ASAP2: variants seen among roughly 807,000 people sequenced by gnomAD.
ASAP2 encodes arf-GAP with SH3 domain, ANK repeat and PH domain-containing protein 2.
ASAP2 carries 45 observed loss-of-function variants against 131.4 expected under a neutral mutation model. The observed-to-expected ratio is 0.34, with a 90% CI of 0.27 to 0.44. The LOEUF (loss-of-function observed/expected upper bound fraction) is 0.44. Ranked by LOEUF, ASAP2 falls within the 20% of genes least tolerant of loss-of-function variation. The pLI, the probability that ASAP2 is intolerant of heterozygous loss-of-function variation, is 1.00. For missense variants in ASAP2, 1,011 were observed against 1,297.0 expected, an observed-to-expected ratio of 0.78 and a Z score of 3.39; for synonymous variants, 510 against 503.0, an observed-to-expected ratio of 1.01 and a Z score of -0.19.
At position 9,263,293 on chromosome 2, in the gene ASAP2, CAG is replaced by C. The variant is rs148419154; in HGVS notation, c.127-16023_127-16022del. Among the ~76,000 whole-genome samples the C allele has an allele frequency of 2.6e-3, 403 of 152,306 alleles. 4 individuals carry two copies. The highest frequency in any genetic ancestry group is 9.0e-3 in the African/African-American group (374 of 41,572). On this transcript the variant is annotated intron_variant, in intron 1 of 27. Coordinates refer to ENST00000281419, the MANE Select transcript of ASAP2 (RefSeq NM_003887.3). ...GGCCACAGCTCAGTAATGTGGGTGT[CAG>C]GGAACCCCAGGCCAGGCCCCCTTGT...
chr2:9,297,890 T>C (rs1172728821), intron 3 of ASAP2, among the ~76,000 whole-genome samples: 2 of 151,426 alleles, frequency 1.3e-5, no homozygotes, highest in Non-Finnish European at 3.0e-5. Context: ...AGGCCTTTTG[T>C]GCTCCCAAGT....
Position 9,376,897 on chromosome 2 carries a change from T to C in ASAP2, c.1747-11T>C. Reference sequence around the variant, plus strand: ...ATTAGAATTCTGGAATGCCTTTGTTTGGTTTTTCAGGAGCCGGATGAAACG... The same window carrying C: ...ATTAGAATTCTGGAATGCCTTTGTTCGGTTTTTCAGGAGCCGGATGAAACG... On this transcript the variant is annotated splice_polypyrimidine_tract_variant and intron_variant, in intron 17 of 27. Coordinates refer to ENST00000281419, the MANE Select transcript of ASAP2 (RefSeq NM_003887.3). 1 of 1,613,776 alleles carries C rather than the reference T, an allele frequency of 6.2e-7. No individual in the cohort carries two copies. The highest frequency in any genetic ancestry group is 8.5e-7 in the Non-Finnish European group (1 of 1,179,688).
Position 9,311,755 on chromosome 2 carries a change from C to T in ASAP2, c.346-6769C>T, listed in dbSNP as rs905257335. On this transcript the variant is annotated intron_variant, in intron 3 of 27. Transcript: ENST00000281419. The surrounding 1 kb of genome is among the most constrained non-coding windows in gnomAD (Gnocchi z 5.2). Reference sequence around the variant, plus strand: ...ACACAGAGGAAGCCCAGAGCCTGCCCGCCACTCAGGCTGCAGGGCACACCT... The same window carrying T: ...ACACAGAGGAAGCCCAGAGCCTGCCTGCCACTCAGGCTGCAGGGCACACCT... 4.6e-5 allele frequency among the ~76,000 whole-genome samples: 7 copies of T among 152,188 alleles called. No homozygotes were observed. The highest frequency in any genetic ancestry group is 1.3e-4 in the Admixed American group (2 of 15,264).
chr2:9,280,098 G>A (rs1667034549), intron 2 of ASAP2, among the ~76,000 whole-genome samples: 1 of 152,232 alleles, frequency 6.6e-6, no homozygotes, highest in Non-Finnish European at 1.5e-5. Flanking sequence ...AAACAGGGCT[G>A]ATGGGTTGCT....
In ASAP2 at chr2:9,344,442, A is replaced by G. The variant is rs373425778; in HGVS notation, c.850-90A>G. The G allele has an allele frequency of 1.1e-3, 1,138 of 1,060,812 alleles. 16 individuals are homozygous for G. In the African/African-American group the frequency reaches 0.017, roughly 16 times the overall value. 65.7% of individuals were successfully genotyped at this position (1,060,812 alleles called of 1,614,324 possible). On this transcript the variant is annotated intron_variant, in intron 9 of 27. Transcript: ENST00000281419. ...AATTTTTGTTGTTGTTAAAAAAAAA[A>G]CACATTAGGCATAAGTTTCCTTTGT...
chr2:9,306,366 G>A (rs1349643641), intron 3 of ASAP2, among the ~76,000 whole-genome samples: 3 of 151,796 alleles, frequency 2.0e-5, no homozygotes, highest in Non-Finnish European at 2.9e-5. Context: ...AAGAGCAGCC[G>A]TGTCGGCTTG....
chr2:9,249,598 A>G (rs980429464), intron 1 of ASAP2, among the ~76,000 whole-genome samples: 12 of 152,244 alleles, frequency 7.9e-5, no homozygotes, highest in African/African-American at 2.9e-4. Context: ...CTGACCCATC[A>G]CATAGACTGC....
At chr2:9,276,404 G>A (rs552442689) in intron 1 of ASAP2, among the ~76,000 whole-genome samples, 5 of 152,296 alleles carry the variant, frequency 3.3e-5, no homozygotes, top group African/African-American at 1.2e-4. Context: ...AGGAGCTGAT[G>A]CCAGAGAAGC....
chr2:9,265,711 T>TTGTG (rs140189620), intron 1 of ASAP2, among the ~76,000 whole-genome samples: 1 of 151,328 alleles, frequency 6.6e-6, no homozygotes, highest in Non-Finnish European at 1.5e-5. Context: ...CTTTTACAAT[T>TTGTG]TGTGTGTGTG....
chr2:9,372,474 A>G (rs932390993), intron 16 of ASAP2, among the ~76,000 whole-genome samples: 17 of 152,236 alleles, frequency 1.1e-4, no homozygotes, highest in Admixed American at 3.3e-4. Flanking sequence ...AAAATGATGT[A>G]TAAGAAACCA....
In ASAP2 at chr2:9,258,332, G is replaced by GTTTTTTTTTTTT. The variant is rs769009726; in HGVS notation, c.127-20983_127-20982insTTTTTTTTTTTT. ...TTCACAGTATTGATAGTAATCAGTA[G>GTTTTTTTTTTTT]TTGTTTTTTTTTTTTTTTTTTGAGA... On this transcript the variant is annotated intron_variant, in intron 1 of 27. Transcript: ENST00000281419. 3.6e-5 allele frequency among the ~76,000 whole-genome samples: 4 copies of GTTTTTTTTTTTT among 112,544 alleles called. 1 individual carries two copies. Among genetic ancestry groups the GTTTTTTTTTTTT allele is most frequent in the African/African-American group, 7.5e-5 (2 of 26,616 alleles). 73.8% of individuals were successfully genotyped at this position (112,544 alleles called of 152,430 possible).
chr2:9,262,536 G>C (rs1339268390), intron 1 of ASAP2, among the ~76,000 whole-genome samples: 1 of 152,244 alleles, frequency 6.6e-6, no homozygotes, highest in Non-Finnish European at 1.5e-5. Context: ...CACGCGGCTA[G>C]TAATTGGAGC....
chr2:9,292,045 A>G (rs1189287780), intron 2 of ASAP2, among the ~76,000 whole-genome samples: 1 of 152,088 alleles, frequency 6.6e-6, no homozygotes, highest in Non-Finnish European at 1.5e-5. Context: ...CTCTGCTGCA[A>G]ACTCACTGTG....
chr2:9,212,859 C>T (rs1345532324), intron 1 of ASAP2, among the ~76,000 whole-genome samples: 3 of 152,272 alleles, frequency 2.0e-5, no homozygotes, highest in Admixed American at 6.5e-5. Context: ...AGCATCTCCA[C>T]GTACACCACA....
At chr2:9,338,640 T>G (rs986529139) in intron 9 of ASAP2, among the ~76,000 whole-genome samples, 29 of 152,208 alleles carry the variant, frequency 1.9e-4, no homozygotes, top group African/African-American at 6.8e-4. Context: ...CTACCCTTTC[T>G]TCCACTGTTA....
intron 1 of ASAP2, among the ~76,000 whole-genome samples, chr2:9,270,948 A>G (rs925054234): frequency 7.3e-5 from 11 of 151,384 alleles, no homozygotes; most frequent in East Asian, 1.9e-4. Context: ...GCCCGCCACT[A>G]CGCCCGGCTA....
intron 1 of ASAP2, among the ~76,000 whole-genome samples, chr2:9,270,551 G>A (rs937862550): frequency 6.6e-6 from 1 of 151,774 alleles, no homozygotes; most frequent in Non-Finnish European, 1.5e-5. Context: ...TCACCTCAAA[G>A]CATTTAGCCT....
At chr2:9,383,502 T>C (rs1016220446) in intron 20 of ASAP2, among the ~76,000 whole-genome samples, 3 of 152,100 alleles carry the variant, frequency 2.0e-5, no homozygotes, top group Non-Finnish European at 4.4e-5. Flanking sequence ...CAAGCAGTCC[T>C]CCTGCCTCAG....
intron 2 of ASAP2, among the ~76,000 whole-genome samples, chr2:9,294,960 C>T (rs1415759674): frequency 6.6e-6 from 1 of 152,196 alleles, no homozygotes; most frequent in Non-Finnish European, 1.5e-5. Flanking sequence ...CCTGTGGCCA[C>T]CAGCCCCCTT....
Sources: gnomAD v4.1 joint callset for allele counts (sites outside exome capture counted in the v4.1 genomes callset) on GRCh38, gnomAD v4.1.1 for gene constraint, Gnocchi (gnomAD v3.1) non-coding constraint, MANE v1.5 for transcripts, NCBI Gene and HGNC (gene_info 2026-07-23, HGNC 2026-07-21) for gene names.